DNMBP: variants seen among roughly 807,000 people sequenced by gnomAD.
The protein encoded by DNMBP is dynamin-binding protein.
Under a neutral mutation model 150.0 loss-of-function variants are expected in DNMBP, and 87 were observed. The ratio of observed to expected loss-of-function variants is 0.58; its 90% CI spans 0.49 to 0.69. DNMBP has a LOEUF of 0.69. Among genes scored for constraint, DNMBP ranks in the 30% least tolerant of loss-of-function variants. The pLI, the probability that DNMBP is intolerant of heterozygous loss-of-function variation, is 0.00. For synonymous variants in DNMBP, 711 were observed against 750.4 expected (o/e 0.95, Z 0.86); for missense variants, 1,774 against 1,949.0 (o/e 0.91, Z 1.69).
intron 4 of DNMBP, among the ~76,000 whole-genome samples, chr10:99,922,509 T>C (rs541970168): frequency 2.3e-4 from 23 of 99,098 alleles, no homozygotes; most frequent in Non-Finnish European, 3.7e-4. Context: ...GCTGTTTTTT[T>C]TTTTTTTTTT....
chr10:99,896,225 G>A (rs3740058), intron 10 of DNMBP, 42 bp downstream of exon 10: 591,176 of 1,600,766 alleles, frequency 0.37, 112,054 homozygotes, highest in Non-Finnish European at 0.39. Context: ...GCCCTGAAAA[G>A]CTGTCAAAGA....
intron 1 of DNMBP, among the ~76,000 whole-genome samples, chr10:100,006,555 A>G (rs1589458582): frequency 6.6e-6 from 1 of 152,168 alleles, no homozygotes; most frequent in East Asian, 1.9e-4. Flanking sequence ...AACATAAGTC[A>G]TCATCAACTT....
At chr10:99,986,921 G>A (rs1004407438) in intron 1 of DNMBP, among the ~76,000 whole-genome samples, 2 of 152,028 alleles carry the variant, frequency 1.3e-5, no homozygotes, top group African/African-American at 2.4e-5. Context: ...TTGGGAGGCC[G>A]AGGCGGGCGG....
chr10:99,879,206 T>C (rs1381470489), intron 16 of DNMBP, among the ~76,000 whole-genome samples: 1 of 152,118 alleles, frequency 6.6e-6, no homozygotes, highest in Admixed American at 6.6e-5. Flanking sequence ...GGCTCACGCC[T>C]GTAATCCCAG....
chr10:99,917,602 A>AT, intron 4 of DNMBP, among the ~76,000 whole-genome samples: 1 of 152,286 alleles, frequency 6.6e-6, no homozygotes, highest in East Asian at 1.9e-4. Context: ...CCGTTAGTCC[A>AT]TTTCAAACGT....
chr10:99,990,974 C>T (rs1451147770), intron 1 of DNMBP, among the ~76,000 whole-genome samples: 1 of 151,998 alleles, frequency 6.6e-6, no homozygotes, highest in African/African-American at 2.4e-5. Context: ...ACATAATTCA[C>T]ATACTATACA....
chr10:99,931,115 G>T, intron 4 of DNMBP: 1 of 199,940 alleles, frequency 5.0e-6, no homozygotes, highest in South Asian at 1.8e-4. Flanking sequence ...TACTCCAAAG[G>T]TTTTGCAGGA....
chr10:99,885,876 A>G lies in DNMBP; in HGVS notation c.3619-10T>C, dbSNP rs1333413684. On this transcript the variant is annotated splice_polypyrimidine_tract_variant and intron_variant, in intron 13 of 16. Coordinates refer to ENST00000324109, the MANE Select transcript of DNMBP (RefSeq NM_015221.4). ...CAGCCACTTTGAGTAACTGGGGTCC[A>G]TGGGAAGAGCAGAGATAGAGAAAAG... is the stretch of plus-strand genomic sequence containing the variant. The G allele has an allele frequency of 6.2e-7, 1 of 1,606,004 alleles. No individual in the cohort carries two copies. Among genetic ancestry groups the G allele is most frequent in the Non-Finnish European group, 8.5e-7 (1 of 1,175,914 alleles).
chr10:99,936,619 T>C (rs1202452188), intron 4 of DNMBP, among the ~76,000 whole-genome samples: 1 of 151,904 alleles, frequency 6.6e-6, no homozygotes, highest in African/African-American at 2.4e-5. Flanking sequence ...ATGTTTCTAT[T>C]TTCCCTCACA....
chr10:99,955,738 A>G lies in DNMBP; in HGVS notation c.1736T>C (p.Ile579Thr). Reference protein sequence around the residue: ...EPDKILRHFSIMDFNSEKDIV... With the variant: ...EPDKILRHFSTMDFNSEKDIV... ...ATCCTTCTCAGAGTTAAAGTCCATGATTGAAAAGTGGCGTAAAATTTTATC... is the reference window on the plus strand; with the variant it reads ...ATCCTTCTCAGAGTTAAAGTCCATGGTTGAAAAGTGGCGTAAAATTTTATC... Residue 579 changes from isoleucine to threonine, a missense_variant, in exon 4 of 17, where the codon ATC becomes ACC. By Grantham distance (89) the Ile-to-Thr change is moderately conservative. Coordinates refer to ENST00000324109, the MANE Select transcript of DNMBP (RefSeq NM_015221.4). 1 of 1,614,220 alleles carries G rather than the reference A, an allele frequency of 6.2e-7. No individual in the cohort carries two copies. The highest frequency in any genetic ancestry group is 8.5e-7 in the Non-Finnish European group (1 of 1,180,042).
chr10:99,986,622 A>C (rs1011355492), intron 1 of DNMBP, among the ~76,000 whole-genome samples: 2 of 148,594 alleles, frequency 1.3e-5, no homozygotes, highest in Admixed American at 6.7e-5. Context: ...AAAAAAAAAA[A>C]AAACCTGCAA....
chr10:99,991,905 CA>C (rs71009797), intron 1 of DNMBP, among the ~76,000 whole-genome samples: 48,601 of 104,936 alleles, frequency 0.46, 8,991 homozygotes, highest in African/African-American at 0.57. Flanking sequence ...GACTCCACCT[CA>C]AAAAAAAAAA....
At chr10:99,935,853 C>A (rs1270539936) in intron 4 of DNMBP, among the ~76,000 whole-genome samples, 3 of 152,202 alleles carry the variant, frequency 2.0e-5, no homozygotes, top group South Asian at 2.1e-4. Flanking sequence ...GCGTGAGCCA[C>A]CGCACCTGGC....
intron 9 of DNMBP, 33 bp downstream of exon 9, chr10:99,898,053 A>T (rs1236305722): frequency 6.3e-7 from 1 of 1,578,720 alleles, no homozygotes; most frequent in Non-Finnish European, 8.7e-7. Flanking sequence ...CTCAAAGGGC[A>T]TACCTCCTTT....
intron 1 of DNMBP, among the ~76,000 whole-genome samples, chr10:100,009,304 G>A (rs1178743124): frequency 6.6e-6 from 1 of 152,228 alleles, no homozygotes; most frequent in East Asian, 1.9e-4. Flanking sequence ...AGGAACGCGG[G>A]TGTCCGCGGG....
chr10:99,972,656 G>T (rs929942958), intron 1 of DNMBP, among the ~76,000 whole-genome samples: 4 of 152,170 alleles, frequency 2.6e-5, no homozygotes, highest in Non-Finnish European at 5.9e-5. Flanking sequence ...TATCACCCAG[G>T]CTGGAGTGCA....
chr10:99,926,869 C>T (rs2040083894), intron 4 of DNMBP: 1 of 152,140 alleles, frequency 6.6e-6, no homozygotes, highest in African/African-American at 2.4e-5. Flanking sequence ...ATTTGAGTCC[C>T]TCCAAGTTAG....
intron 1 of DNMBP, among the ~76,000 whole-genome samples, chr10:99,991,898 T>C (rs1205164448): frequency 2.0e-5 from 2 of 101,680 alleles, no homozygotes; most frequent in East Asian, 5.4e-4. Flanking sequence ...AGAGCGAGAC[T>C]CCACCTCAAA....
At chr10:99,880,863 G>A (rs930054608) in intron 15 of DNMBP, among the ~76,000 whole-genome samples, 1 of 152,196 alleles carries the variant, frequency 6.6e-6, no homozygotes, top group African/African-American at 2.4e-5. Context: ...TCTTTGGGAA[G>A]CTGAGATGAG....
Sources: allele counts gnomAD v4.1 joint callset (sites outside exome capture counted in the v4.1 genomes callset), GRCh38; gene constraint gnomAD v4.1.1; transcripts MANE v1.5; gene names NCBI Gene and HGNC (gene_info 2026-07-23, HGNC 2026-07-21).